Variants in JARID2 observed in about 807,000 individuals in gnomAD.
JARID2 encodes protein Jumonji.
Under a neutral mutation model 125.6 loss-of-function variants are expected in JARID2, and 21 were observed. That is an observed-to-expected ratio of 0.17 (90% CI 0.12 to 0.24). The LOEUF is 0.24. JARID2 is among the 10% of genes least tolerant of loss of function. The pLI is 1.00. For synonymous variants in JARID2, 736 were observed against 661.6 expected (o/e 1.11, Z -1.73); for missense variants, 1,303 against 1,639.6 (o/e 0.79, Z 3.55).
At chr6:15,303,113 T>C (rs1463061169) in intron 1 of JARID2, among the ~76,000 whole-genome samples, 1 of 152,228 alleles carries the variant, frequency 6.6e-6, no homozygotes, top group Non-Finnish European at 1.5e-5. Flanking sequence ...GGAATTATAA[T>C]CCTAATTGAT....
intron 1 of JARID2, among the ~76,000 whole-genome samples, chr6:15,268,946 GTC>G (rs1760193143): frequency 6.6e-6 from 1 of 152,176 alleles, no homozygotes; most frequent in South Asian, 2.1e-4. Flanking sequence ...ACCTCTTAAA[GTC>G]AGGCGTGTGC....
chr6:15,478,406 A>T (rs1406064038), intron 5 of JARID2, among the ~76,000 whole-genome samples: 1 of 152,178 alleles, frequency 6.6e-6, no homozygotes. Context: ...GAACCCACAG[A>T]TAGAGAGGGC....
chr6:15,347,840 C>T (rs971306411), intron 1 of JARID2, among the ~76,000 whole-genome samples: 2 of 152,144 alleles, frequency 1.3e-5, no homozygotes, highest in South Asian at 2.1e-4. Context: ...AGTAGAGGCT[C>T]ACAATAGCCT....
intron 8 of JARID2, among the ~76,000 whole-genome samples, chr6:15,501,913 G>A (rs111899130): frequency 2.0e-5 from 3 of 152,328 alleles, no homozygotes; most frequent in African/African-American, 7.2e-5. Flanking sequence ...GTGCTCGACA[G>A]CTGCCCAGAT....
At chr6:15,412,945 G>A (rs1765945860) in intron 3 of JARID2, among the ~76,000 whole-genome samples, 1 of 147,120 alleles carries the variant, frequency 6.8e-6, no homozygotes, top group Admixed American at 7.0e-5. Flanking sequence ...AACAGATGCT[G>A]GTTTTTTTAC....
intron 1 of JARID2, among the ~76,000 whole-genome samples, chr6:15,341,075 G>A (rs770115320): frequency 1.3e-5 from 2 of 152,098 alleles, no homozygotes; most frequent in African/African-American, 2.4e-5. Context: ...TTATACCCAC[G>A]CTCTCCTTCC....
chr6:15,354,217 C>T (rs962666892), intron 1 of JARID2, among the ~76,000 whole-genome samples: 9 of 152,028 alleles, frequency 5.9e-5, no homozygotes, highest in African/African-American at 1.7e-4. Context: ...AAGACAGGAC[C>T]GAAGGTGGGA....
At chr6:15,509,067 C>G (rs1288740563) in intron 12 of JARID2, 2 of 1,289,120 alleles carry the variant, frequency 1.6e-6, no homozygotes, top group Non-Finnish European at 2.0e-6. Context: ...CGTTATGTAC[C>G]CTGTGGAGTC....
chr6:15,273,548 A>G (rs1760381723), intron 1 of JARID2, among the ~76,000 whole-genome samples: 1 of 152,222 alleles, frequency 6.6e-6, no homozygotes, highest in African/African-American at 2.4e-5. Flanking sequence ...CTAAAAATAC[A>G]AAATTAGCTG....
chr6:15,466,248 C>A (rs942990798), intron 4 of JARID2, among the ~76,000 whole-genome samples: 16 of 152,158 alleles, frequency 1.1e-4, no homozygotes, highest in African/African-American at 3.9e-4. Context: ...TCCTGCTTCT[C>A]CTGTTTCCTT....
chr6:15,378,264 AC>A (rs1764447001), intron 2 of JARID2, among the ~76,000 whole-genome samples: 1 of 144,978 alleles, frequency 6.9e-6, no homozygotes, highest in African/African-American at 2.6e-5. Context: ...AAATGTTTCC[AC>A]TGGTTCATTA....
At chr6:15,513,452 C>T (rs774804672) in intron 16 of JARID2, 30 bp downstream of exon 16, 12 of 1,568,266 alleles carry the variant, frequency 7.7e-6, no homozygotes, top group South Asian at 1.2e-5. Flanking sequence ...CCGGCGCCCT[C>T]GCATGTAGTG....
At chr6:15,514,480 CG>C (rs1771450056) in intron 16 of JARID2, among the ~76,000 whole-genome samples, 1 of 152,192 alleles carries the variant, frequency 6.6e-6, no homozygotes, top group African/African-American at 2.4e-5. Context: ...AGTGCCTCTG[CG>C]TCCCTCTGCT....
intron 4 of JARID2, among the ~76,000 whole-genome samples, 175 bp from the exon 5 acceptor site, chr6:15,468,367 A>C (rs1449822085): frequency 6.6e-6 from 1 of 151,962 alleles, no homozygotes; most frequent in Non-Finnish European, 1.5e-5. Flanking sequence ...ATTTTGCTTG[A>C]AATACGTTCA....
intron 3 of JARID2, among the ~76,000 whole-genome samples, chr6:15,445,619 T>C (rs1767640636): frequency 6.6e-6 from 1 of 152,212 alleles, no homozygotes; most frequent in Non-Finnish European, 1.5e-5. Context: ...ATGTATGTGG[T>C]GGTCTTGTTG....
At chr6:15,439,264 T>G (rs1458180731) in intron 3 of JARID2, among the ~76,000 whole-genome samples, 3 of 152,134 alleles carry the variant, frequency 2.0e-5, no homozygotes, top group Admixed American at 2.0e-4. Flanking sequence ...ATTGGCTGCT[T>G]TCATTGTTGG....
At chr6:15,311,521 T>G (rs1008301098) in intron 1 of JARID2, among the ~76,000 whole-genome samples, 1 of 152,180 alleles carries the variant, frequency 6.6e-6, no homozygotes, top group Non-Finnish European at 1.5e-5. Context: ...GAGTTTGCGG[T>G]GAGCCGAGAT....
At chr6:15,387,464 C>T (rs1764830179) in intron 2 of JARID2, among the ~76,000 whole-genome samples, 1 of 152,162 alleles carries the variant, frequency 6.6e-6, no homozygotes, top group Admixed American at 6.5e-5. Flanking sequence ...TCCTCTGAGT[C>T]TTCCTCCTCA....
At chr6:15,491,569 C>A (rs1439135413) in intron 6 of JARID2, among the ~76,000 whole-genome samples, 2 of 152,256 alleles carry the variant, frequency 1.3e-5, no homozygotes, top group African/African-American at 4.8e-5. Context: ...TCAACGGCTC[C>A]CTCTCGTGGA....
Sources: allele counts gnomAD v4.1 joint callset (sites outside exome capture counted in the v4.1 genomes callset), GRCh38; gene constraint gnomAD v4.1.1; transcripts MANE v1.5; gene names NCBI Gene and HGNC (gene_info 2026-07-23, HGNC 2026-07-21).